TPRG1: variants seen among roughly 807,000 people sequenced by gnomAD.
TPRG1 encodes the protein tumor protein p63 regulated 1.
Under a neutral mutation model 29.3 loss-of-function variants are expected in TPRG1, and 29 were observed. That is an observed-to-expected ratio of 0.99 (90% CI 0.74 to 1.35). The LOEUF is 1.35. TPRG1 is among the 40% of genes most tolerant of loss of function. The pLI is 0.00. For missense variants in TPRG1, 327 were observed against 335.0 expected (o/e 0.98, Z 0.19); for synonymous variants, 130 against 116.8 (o/e 1.11, Z -0.73).
intron 4 of TPRG1, among the ~76,000 whole-genome samples, chr3:189,029,559 G>A (rs982276902): frequency 1.3e-5 from 2 of 152,200 alleles, no homozygotes; most frequent in Non-Finnish European, 2.9e-5. Context: ...AAAAGGCAAT[G>A]TAGTATAAGC....
chr3:189,229,294 C>CAAAA lies in TPRG1; in HGVS notation c.303-9432_303-9429dup, dbSNP rs35836287. Among the ~76,000 whole-genome samples the CAAAA allele has an allele frequency of 5.5e-3, 808 of 147,082 alleles. 5 individuals are homozygous for CAAAA. Among genetic ancestry groups the CAAAA allele is most frequent in the African/African-American group, 0.019 (777 of 40,314 alleles). ...TATTTTAAAATTTGTGTGGAAAGAC[C>CAAAA]AAAAAAAAAATAGCTAAAGCAATTC... On this transcript the variant is annotated intron_variant, in intron 3 of 5. Transcript: ENST00000345063.
chr3:189,147,096 G>T (rs1291900462), intron 3 of TPRG1, among the ~76,000 whole-genome samples: 5 of 152,186 alleles, frequency 3.3e-5, no homozygotes, highest in Admixed American at 3.3e-4. Flanking sequence ...ACACAGCTGG[G>T]ATTTGAACCC....
intron 4 of TPRG1, among the ~76,000 whole-genome samples, chr3:189,301,129 C>G (rs1305368780): frequency 6.6e-6 from 1 of 151,586 alleles, no homozygotes; most frequent in African/African-American, 2.4e-5. Context: ...AACCCTGTCT[C>G]TACTAAAAAT....
At chr3:188,997,738 T>G (rs1711879948) in intron 1 of TPRG1, among the ~76,000 whole-genome samples, 1 of 152,176 alleles carries the variant, frequency 6.6e-6, no homozygotes, top group Non-Finnish European at 1.5e-5. Flanking sequence ...CCTGGAAATA[T>G]CTTCATGAAG....
intron 1 of TPRG1, among the ~76,000 whole-genome samples, chr3:189,122,312 C>T (rs1255381865): frequency 1.3e-5 from 2 of 152,172 alleles, no homozygotes; most frequent in African/African-American, 4.8e-5. Flanking sequence ...ATGATCTCCA[C>T]AAGATGCATA....
chr3:189,104,818 C>A (rs547109920), intron 1 of TPRG1, among the ~76,000 whole-genome samples: 1 of 152,194 alleles, frequency 6.6e-6, no homozygotes, highest in South Asian at 2.1e-4. Flanking sequence ...TTTAAAATGC[C>A]TTCCTCTGCC....
In TPRG1 at chr3:189,043,339, A is replaced by AGT. The variant is rs572412255; in HGVS notation, c.-463+19396_-463+19397dup. On this transcript the variant is annotated intron_variant, in intron 4 of 10. Coordinates refer to the TPRG1 transcript ENST00000433971. ...AAAGACCCTGAGGCTTGGAATGAGG[A>AGT]GTGTCAGATTGTGGAGATGCTTTCA... 1.2e-4 allele frequency among the ~76,000 whole-genome samples: 18 copies of AGT among 152,262 alleles called. No individual in the cohort carries two copies. The South Asian group carries it at 3.7e-3, about 32-fold the overall frequency.
intron 1 of TPRG1, among the ~76,000 whole-genome samples, chr3:189,110,913 A>G (rs1289467521): frequency 6.6e-6 from 1 of 151,410 alleles, no homozygotes; most frequent in African/African-American, 2.4e-5. Context: ...GTTCATATAT[A>G]TTTATATTAT....
intron 2 of TPRG1, among the ~76,000 whole-genome samples, chr3:189,003,316 G>A (rs1269526603): frequency 3.3e-5 from 5 of 152,106 alleles, no homozygotes; most frequent in African/African-American, 1.2e-4. Flanking sequence ...TAGCCCTAAA[G>A]GCTCCTACAG....
chr3:188,997,394 C>G (rs1054402639), intron 1 of TPRG1, among the ~76,000 whole-genome samples: 3 of 152,144 alleles, frequency 2.0e-5, no homozygotes, highest in Non-Finnish European at 4.4e-5. Flanking sequence ...TAAATACTCT[C>G]TTACTTTCTG....
chr3:189,251,118 G>GT (rs1254263135), intron 4 of TPRG1, among the ~76,000 whole-genome samples: 2 of 147,166 alleles, frequency 1.4e-5, no homozygotes, highest in Non-Finnish European at 3.0e-5. Context: ...CAGTTGTTTT[G>GT]TTTTTTTGTC....
chr3:189,020,652 T>A (rs1410712825), intron 3 of TPRG1, among the ~76,000 whole-genome samples: 4 of 144,246 alleles, frequency 2.8e-5, no homozygotes, highest in East Asian at 4.1e-4. Flanking sequence ...TACTTCCAAG[T>A]ATGTGGTCAA....
chr3:189,237,403 G>T (rs764171612), intron 3 of TPRG1, among the ~76,000 whole-genome samples: 5 of 152,076 alleles, frequency 3.3e-5, no homozygotes, highest in Non-Finnish European at 5.9e-5. Flanking sequence ...ATTCTGATTG[G>T]TCAGTGCCCA....
At chr3:189,229,421 A>G (rs1384004968) in intron 3 of TPRG1, among the ~76,000 whole-genome samples, 1 of 152,236 alleles carries the variant, frequency 6.6e-6, no homozygotes. Context: ...AGGTTAAGTC[A>G]TTAGACAGCC....
In TPRG1 at chr3:189,293,888, A is replaced by G. The variant is rs1284727983; in HGVS notation, c.480-16498A>G. 2.0e-5 allele frequency among the ~76,000 whole-genome samples: 3 copies of G among 152,202 alleles called. No individual in the cohort carries two copies. In the East Asian group the frequency reaches 5.8e-4, roughly 29 times the overall value. ...ACAAGTCAAAGCCACGGCCCAGTTC[A>G]TATCTCTTCCCTTATTAAAAGCTTG... On this transcript the variant is annotated intron_variant, in intron 4 of 5. Transcript: ENST00000345063.
intron 4 of TPRG1, among the ~76,000 whole-genome samples, chr3:189,089,579 C>A (rs1191475022): frequency 1.3e-5 from 2 of 152,112 alleles, no homozygotes; most frequent in Non-Finnish European, 2.9e-5. Flanking sequence ...TCTGGTGAGG[C>A]CCTCCTTGCT....
chr3:189,106,729 C>T (rs1272145938), intron 1 of TPRG1, among the ~76,000 whole-genome samples: 1 of 152,046 alleles, frequency 6.6e-6, no homozygotes, highest in Non-Finnish European at 1.5e-5. Flanking sequence ...TCTTTGCTTA[C>T]ATTTGTATAT....
At chr3:189,216,003 C>G (rs993725407) in intron 3 of TPRG1, among the ~76,000 whole-genome samples, 1 of 152,162 alleles carries the variant, frequency 6.6e-6, no homozygotes, top group Non-Finnish European at 1.5e-5. Flanking sequence ...AAGATGGTTA[C>G]CTTTCTAGCC....
At chr3:189,020,162 T>C (rs1713215940) in intron 3 of TPRG1, among the ~76,000 whole-genome samples, 1 of 151,738 alleles carries the variant, frequency 6.6e-6, no homozygotes, top group African/African-American at 2.4e-5. Context: ...ATCTATTTTG[T>C]TGATCCTTTC....
Sources: gnomAD v4.1 joint callset for allele counts (sites outside exome capture counted in the v4.1 genomes callset) on GRCh38, gnomAD v4.1.1 for gene constraint, MANE v1.5 for transcripts, NCBI Gene and HGNC (gene_info 2026-07-23, HGNC 2026-07-21) for gene names.